Variants in LCK observed in about 807,000 individuals in gnomAD.
LCK encodes LCK proto-oncogene, Src family tyrosine kinase.
A neutral mutation model predicts 64.6 loss-of-function variants in LCK; 14 were observed. The ratio of observed to expected loss-of-function variants is 0.22; its 90% CI spans 0.14 to 0.34. LCK has a LOEUF of 0.34. Among genes scored for constraint, LCK ranks in the 10% least tolerant of loss-of-function variants. The probability of loss-of-function intolerance (pLI) is 1.00; values close to 1 mark genes in which losing one functional copy is unlikely to be tolerated. For synonymous variants in LCK, 277 were observed against 263.6 expected (o/e 1.05, Z -0.49); for missense variants, 434 against 668.1 (o/e 0.65, Z 3.86).
At chr1:32,282,963 C>T (rs1640505458) in intron 12 of LCK, among the ~76,000 whole-genome samples, 1 of 151,834 alleles carries the variant, frequency 6.6e-6, no homozygotes, top group Admixed American at 6.6e-5. Flanking sequence ...TGTTTAGTTC[C>T]GTGGCCTATG....
In LCK at chr1:32,276,349, G is replaced by A; in HGVS notation, c.644G>A (p.Gly215Glu). The A allele has an allele frequency of 6.2e-7, 1 of 1,600,046 alleles. No individual in the cohort carries two copies. The highest frequency in any genetic ancestry group is 8.5e-7 in the Non-Finnish European group (1 of 1,175,212). The change falls in exon 8 of 13, where the codon GGG (glycine) becomes GAG (glutamate). Residue 215 changes from glycine to glutamate, a missense_variant. Around this residue, in one of 2 missense-constraint regions of LCK, gnomAD observed 233 missense variants for 291.2 expected, o/e 0.80. Transcript: ENST00000336890. The surrounding 1 kb of genome is among the most constrained non-coding windows in gnomAD (Gnocchi z 4.6). ...LVRHYTNASD[G>E]LCTRLSRPCQ... ...CTCGTCCTCGCAGATGCTTCAGATG[G>A]GCTGTGCACACGGTTGAGCCGCCCC...
At chr1:32,282,239 G>A (rs973725256) in intron 12 of LCK, among the ~76,000 whole-genome samples, 1 of 152,176 alleles carries the variant, frequency 6.6e-6, no homozygotes, top group Non-Finnish European at 1.5e-5. Context: ...GGTTCCCACA[G>A]AGGCAAACCC....
intron 1 of LCK, among the ~76,000 whole-genome samples, chr1:32,270,250 CTTTTTTTTT>C (rs1195979098): frequency 2.4e-5 from 3 of 126,662 alleles, no homozygotes; most frequent in East Asian, 2.2e-4. Context: ...GCCCAGCTAA[CTTTTTTTTT>C]TTTTTTTTTT....
chr1:32,276,258 G>A lies in LCK; in HGVS notation c.632-79G>A. The A allele has an allele frequency of 2.0e-6, 3 of 1,504,214 alleles. No individual in the cohort carries two copies. Among genetic ancestry groups the A allele is most frequent in the South Asian group, 1.3e-5 (1 of 76,240 alleles). 93.2% of individuals were successfully genotyped at this position (1,504,214 alleles called of 1,614,324 possible). A position where few individuals can be genotyped will look rare whatever the true frequency, so the allele number is the denominator to read the frequency against. Reference sequence around the variant, plus strand: ...TGCTAGTCCACTTCACCTAGATGGGGGCTTGGAGAAGTGGGGGAGGTGGTG... The same window carrying A: ...TGCTAGTCCACTTCACCTAGATGGGAGCTTGGAGAAGTGGGGGAGGTGGTG... On this transcript the variant is annotated intron_variant, in intron 7 of 12. Coordinates refer to ENST00000336890, the MANE Select transcript of LCK (RefSeq NM_005356.5). The surrounding 1 kb of genome is among the most constrained non-coding windows in gnomAD (Gnocchi z 4.6).
rs1207131367 is a variant in LCK at position 32,275,142 on chromosome 1, C to A, written c.278+59C>A. 9 of 1,525,428 alleles carry A rather than the reference C, an allele frequency of 5.9e-6. No homozygotes were observed. The Admixed American group carries it at 1.0e-4, about 18-fold the overall frequency. 94.5% of individuals were successfully genotyped at this position (1,525,428 alleles called of 1,614,324 possible). On this transcript the variant is annotated intron_variant, in intron 4 of 12. Coordinates refer to ENST00000336890, the MANE Select transcript of LCK (RefSeq NM_005356.5). The surrounding 1 kb of genome is among the most constrained non-coding windows in gnomAD (Gnocchi z 6.9). ...CGTGAGGGAGCGGCGATCTCCGCGA[C>A]CCGCAGCCCTCCTGCGGCCCTTGAC...
At chr1:32,263,442 T>TA (rs112638282) in intron 1 of LCK, among the ~76,000 whole-genome samples, 2,956 of 120,234 alleles carry the variant, frequency 0.025, 131 homozygotes, top group African/African-American at 0.11. Flanking sequence ...AATAAATAAA[T>TA]AAATAAAAAT....
Position 32,274,356 on chromosome 1 carries a change from G to C in LCK, c.27G>C (p.Pro9=), listed in dbSNP as rs1477683057. 1 of 1,614,000 alleles carries C rather than the reference G, an allele frequency of 6.2e-7. No individual in the cohort carries two copies. Among genetic ancestry groups the C allele is most frequent in the Non-Finnish European group, 8.5e-7 (1 of 1,179,996 alleles). ...TGGGCTGTGGCTGCAGCTCACACCCGGAAGATGACTGGATGGAAAACATCG... is the reference window on the plus strand; with the variant it reads ...TGGGCTGTGGCTGCAGCTCACACCCCGAAGATGACTGGATGGAAAACATCG... MGCGCSSH[P]EDDWMENIDV... The change falls in exon 2 of 13, where the codon CCG becomes CCC. Residue 9 remains proline (P), a synonymous_variant. Transcript: ENST00000336890.
intron 1 of LCK, among the ~76,000 whole-genome samples, chr1:32,257,587 G>T (rs1175751393): frequency 6.6e-6 from 1 of 152,072 alleles, no homozygotes; most frequent in Non-Finnish European, 1.5e-5. Flanking sequence ...GGAGAACCTG[G>T]ATTGAATTTG....
At chr1:32,255,935 T>C (rs1639622155) in intron 1 of LCK, among the ~76,000 whole-genome samples, 1 of 151,268 alleles carries the variant, frequency 6.6e-6, no homozygotes, top group African/African-American at 2.4e-5. Context: ...CTGAGTAGCC[T>C]AGGACTACAG....
chr1:32,282,639 A>G (rs1292236235), intron 12 of LCK, among the ~76,000 whole-genome samples: 2 of 151,958 alleles, frequency 1.3e-5, no homozygotes, highest in East Asian at 3.9e-4. Flanking sequence ...CCCTGCCTCT[A>G]CTAAAAATAC....
rs1040332148 is a variant in LCK, at chr1:32,277,126, C to T, written c.964+340C>T. ...TCAGAAGACTGAGGCAGGAGAATCCCTTTAATCCGGGAGGTGGAGGCTACA... is the reference window on the plus strand; with the variant it reads ...TCAGAAGACTGAGGCAGGAGAATCCTTTTAATCCGGGAGGTGGAGGCTACA... On this transcript the variant is annotated intron_variant, in intron 9 of 12. Coordinates refer to ENST00000336890, the MANE Select transcript of LCK (RefSeq NM_005356.5). 5 of 153,444 alleles carry T rather than the reference C, an allele frequency of 3.3e-5. No individual in the cohort carries two copies. The South Asian group carries it at 5.7e-4, about 18-fold the overall frequency. The allele number at this position is 153,444 out of a possible 1,614,324, so 9.5% of individuals were successfully genotyped here.
intron 12 of LCK, among the ~76,000 whole-genome samples, 156 bp downstream of exon 12, chr1:32,280,366 T>A (rs989160309): frequency 6.6e-6 from 1 of 150,406 alleles, no homozygotes; most frequent in South Asian, 2.1e-4. Context: ...AGATGCCACA[T>A]CTCCCAGGGC....
intron 12 of LCK, among the ~76,000 whole-genome samples, chr1:32,280,417 T>TTTTC (rs902216329): frequency 1.3e-5 from 2 of 151,012 alleles, no homozygotes; most frequent in Non-Finnish European, 3.0e-5. Context: ...ACCCCAGCTC[T>TTTTC]TTTCTTTTTC....
chr1:32,285,853 GCACCT>G lies in LCK; in HGVS notation c.*138_*142del. On this transcript the variant is annotated 3_prime_UTR_variant, in exon 13 of 13. Transcript: ENST00000336890. ...AATCCCACCCACATGTGACACATAT[GCACCT>G]TGTGTCTGTACACGTGTCCTGTAGT... is the stretch of plus-strand genomic sequence containing the variant. 1 of 856,544 alleles carries G rather than the reference GCACCT, an allele frequency of 1.2e-6. No homozygotes were observed. Among genetic ancestry groups the G allele is most frequent in the Non-Finnish European group, 1.8e-6 (1 of 545,492 alleles). The allele number at this position is 856,544 out of a possible 1,614,324, so 53.1% of individuals were successfully genotyped here. A position where few individuals can be genotyped will look rare whatever the true frequency, so the allele number is the denominator to read the frequency against.
chr1:32,276,800 G>A lies in LCK; in HGVS notation c.964+14G>A, dbSNP rs769740739. 3 of 1,576,538 alleles carry A rather than the reference G, an allele frequency of 1.9e-6. No homozygotes were observed. Among genetic ancestry groups the A allele is most frequent in the African/African-American group, 2.7e-5 (2 of 74,148 alleles). Reference sequence around the variant, plus strand: ...ACATGGAGAATGGTGGGTGCTACCCGAGTCGGCTACCAGGGGATACTGCTC... The same window carrying A: ...ACATGGAGAATGGTGGGTGCTACCCAAGTCGGCTACCAGGGGATACTGCTC... On this transcript the variant is annotated intron_variant, in intron 9 of 12. Coordinates refer to ENST00000336890, the MANE Select transcript of LCK (RefSeq NM_005356.5). The surrounding 1 kb of genome is among the most constrained non-coding windows in gnomAD (Gnocchi z 4.6).
At chr1:32,268,123 G>A (rs1211316988) in intron 1 of LCK, among the ~76,000 whole-genome samples, 1 of 151,936 alleles carries the variant, frequency 6.6e-6, no homozygotes, top group Admixed American at 6.6e-5. Flanking sequence ...GAACCCAGGA[G>A]GCGGAGGTTG....
intron 1 of LCK, among the ~76,000 whole-genome samples, chr1:32,270,683 G>A (rs1425754257): frequency 1.2e-4 from 17 of 144,994 alleles, no homozygotes; most frequent in African/African-American, 4.4e-4. Context: ...ATGAGCCATC[G>A]TGCCCGGACT....
intron 1 of LCK, 60 bp from the exon 2 acceptor site, chr1:32,274,265 C>G (rs1640187491): frequency 6.2e-7 from 1 of 1,612,812 alleles, no homozygotes. Context: ...CCCATTATAT[C>G]TGATGTTGGG....
intron 1 of LCK, among the ~76,000 whole-genome samples, chr1:32,265,072 C>T (rs1408459638): frequency 6.6e-5 from 10 of 151,844 alleles, no homozygotes; most frequent in African/African-American, 1.7e-4. Flanking sequence ...CTGGGCGTGG[C>T]GGCACGTGCC....
Sources: allele counts gnomAD v4.1 joint callset (sites outside exome capture counted in the v4.1 genomes callset), GRCh38; gene constraint gnomAD v4.1.1; regional missense constraint gnomAD v4.1.1; non-coding constraint Gnocchi (gnomAD v3.1); transcripts MANE v1.5; gene names NCBI Gene and HGNC (gene_info 2026-07-23, HGNC 2026-07-21).